Variants in KIAA1549L observed in about 807,000 individuals in gnomAD.
KIAA1549L encodes the protein KIAA1549 like, also known as UPF0606 protein KIAA1549L.
In KIAA1549L, 88 loss-of-function variants were observed where a neutral mutation model predicts 160.7. The ratio of observed to expected loss-of-function variants is 0.55; its 90% CI spans 0.46 to 0.65. KIAA1549L has a LOEUF of 0.65. Among genes scored for constraint, KIAA1549L ranks in the 30% least tolerant of loss-of-function variants. The pLI is 0.00. For synonymous variants in KIAA1549L, 950 were observed against 976.7 expected (o/e 0.97, Z 0.51); for missense variants, 2,258 against 2,437.5 (o/e 0.93, Z 1.55).
Position 33,551,088 on chromosome 11 carries a change from A to G in KIAA1549L, c.3550A>G (p.Thr1184Ala). 5.0e-6 allele frequency: 8 copies of G among 1,613,994 alleles called. No individual in the cohort carries two copies. The highest frequency in any genetic ancestry group is 6.8e-6 in the Non-Finnish European group (8 of 1,179,884). The change falls in exon 5 of 21, where the codon ACC becomes GCC. Residue 1184 changes from threonine to alanine, a missense_variant. Thr to Ala is a moderately conservative substitution (Grantham distance 58). Transcript: ENST00000658780. ...TAATGTCACAGTTGGTTATTATGCTACCAAAGGGAAGTTGGTGTATTTGCC... is the reference window on the plus strand; with the variant it reads ...TAATGTCACAGTTGGTTATTATGCTGCCAAAGGGAAGTTGGTGTATTTGCC... ...SHNVTVGYYA[T>A]KGKLVYLPAV... is the part of the protein sequence containing the mutation.
intron 13 of KIAA1549L, among the ~76,000 whole-genome samples, chr11:33,601,858 G>C (rs997296186): frequency 1.3e-5 from 2 of 152,164 alleles, no homozygotes; most frequent in Admixed American, 6.5e-5. Context: ...GGCCACATCA[G>C]TTACCATCGC....
At chr11:33,381,032 G>T (rs1341576295) in intron 1 of KIAA1549L, among the ~76,000 whole-genome samples, 1 of 151,864 alleles carries the variant, frequency 6.6e-6, no homozygotes, top group Non-Finnish European at 1.5e-5. Flanking sequence ...GCTTGTTTTT[G>T]TTCGTTACCG....
intron 1 of KIAA1549L, among the ~76,000 whole-genome samples, chr11:33,487,142 A>G (rs2224528): frequency 0.28 from 42,291 of 152,138 alleles, 6,269 homozygotes; most frequent in African/African-American, 0.37. Flanking sequence ...TGGAAAGTCT[A>G]GTTGTTTTGT....
intron 1 of KIAA1549L, among the ~76,000 whole-genome samples, chr11:33,472,659 C>G (rs1852204658): frequency 6.6e-6 from 1 of 152,114 alleles, no homozygotes; most frequent in African/African-American, 2.4e-5. Flanking sequence ...GGATCTCAGA[C>G]TGGAGAAGTC....
chr11:33,506,001 CATT>C (rs1402963252), intron 1 of KIAA1549L, among the ~76,000 whole-genome samples: 1 of 152,148 alleles, frequency 6.6e-6, no homozygotes, highest in Non-Finnish European at 1.5e-5. Flanking sequence ...TGTGAGTTGT[CATT>C]ATCCCCATTT....
chr11:33,512,064 A>T (rs1480935704), intron 1 of KIAA1549L, among the ~76,000 whole-genome samples: 1 of 152,236 alleles, frequency 6.6e-6, no homozygotes, highest in South Asian at 2.1e-4. Context: ...AATCTTGATA[A>T]GGTACTACTG....
In KIAA1549L at chr11:33,376,278, C is replaced by T. The variant is rs910597320; in HGVS notation, c.-374C>T. On this transcript the variant is annotated 5_prime_UTR_variant, in exon 1 of 21. Coordinates refer to ENST00000658780, the MANE Select transcript of KIAA1549L (RefSeq NM_012194.3). This position sits in a 1 kb window ranked among gnomAD's most constrained non-coding sequence, Gnocchi z 5.8. ...GGAGGGACCCGAGCGCGCCCCGCGG[C>T]CGCCACCCCCGTTCCCGGCAGCCTC... Among the ~76,000 whole-genome samples, 3 of 148,596 alleles carry T rather than the reference C, an allele frequency of 2.0e-5. 1 individual carries two copies. The highest frequency in any genetic ancestry group is 2.0e-4 in the Admixed American group (3 of 14,960).
At chr11:33,534,096 C>T (rs1293891500) in intron 1 of KIAA1549L, among the ~76,000 whole-genome samples, 1 of 151,980 alleles carries the variant, frequency 6.6e-6, no homozygotes, top group African/African-American at 2.4e-5. Context: ...CTTTGCTTTC[C>T]ACAATTTTTT....
Position 33,543,287 on chromosome 11 carries a change from C to G in KIAA1549L, c.1724C>G (p.Ala575Gly), listed in dbSNP as rs1008700355. The G allele has an allele frequency of 1.9e-6, 3 of 1,613,924 alleles. No individual in the cohort carries two copies. The African/African-American group carries it at 4.0e-5, about 22-fold the overall frequency. Reference sequence around the variant, plus strand: ...GCCATTTTAGGGAAGAATGAAGAGGCAAATGTGACGATTCCTCTCCAGGCC... The same window carrying G: ...GCCATTTTAGGGAAGAATGAAGAGGGAAATGTGACGATTCCTCTCCAGGCC... ...VTAILGKNEEANVTIPLQAFP... is the reference protein window; with the variant it reads ...VTAILGKNEEGNVTIPLQAFP... Residue 575 changes from alanine to glycine, a missense_variant, in exon 2 of 21, where the codon GCA becomes GGA. Around this residue, in one of 6 missense-constraint regions of KIAA1549L, gnomAD observed 540 missense variants for 465.7 expected, o/e 1.16. Transcript: ENST00000658780.
intron 1 of KIAA1549L, among the ~76,000 whole-genome samples, chr11:33,495,122 T>A (rs1383772848): frequency 6.6e-6 from 1 of 151,972 alleles, no homozygotes; most frequent in Non-Finnish European, 1.5e-5. Flanking sequence ...TGTATTTTTT[T>A]ATTTTTATTT....
intron 12 of KIAA1549L, 52 bp from the exon 13 acceptor site, chr11:33,598,768 G>T (rs1310116604): frequency 6.2e-7 from 1 of 1,607,346 alleles, no homozygotes; most frequent in Admixed American, 1.7e-5. Context: ...CTTGAGAGGC[G>T]GCTGCTCTAG....
At chr11:33,528,832 T>C (rs1246482677) in intron 1 of KIAA1549L, among the ~76,000 whole-genome samples, 1 of 151,928 alleles carries the variant, frequency 6.6e-6, no homozygotes, top group Non-Finnish European at 1.5e-5. Flanking sequence ...GGGGGAAAGG[T>C]GTGAGGGTGG....
intron 5 of KIAA1549L, 70 bp from the exon 6 acceptor site, chr11:33,552,038 G>T: frequency 6.4e-7 from 1 of 1,552,278 alleles, no homozygotes; most frequent in South Asian, 1.2e-5. Flanking sequence ...TTTATATTAT[G>T]ACCACTGTTA....
chr11:33,521,717 C>A (rs1316181422), intron 1 of KIAA1549L, among the ~76,000 whole-genome samples: 1 of 152,204 alleles, frequency 6.6e-6, no homozygotes, highest in East Asian at 1.9e-4. Context: ...CAAGAAAGTT[C>A]TCTGGACTGG....
intron 1 of KIAA1549L, among the ~76,000 whole-genome samples, chr11:33,479,109 T>C (rs925667994): frequency 3.9e-5 from 6 of 152,106 alleles, no homozygotes; most frequent in Non-Finnish European, 7.4e-5. Flanking sequence ...CCAGTGCTCA[T>C]TATGTTTTTA....
intron 1 of KIAA1549L, among the ~76,000 whole-genome samples, chr11:33,470,700 G>T (rs544401031): frequency 1.3e-5 from 2 of 152,056 alleles, no homozygotes; most frequent in African/African-American, 4.8e-5. Context: ...CAATCCACCC[G>T]CCTTGGCCTC....
At chr11:33,590,627 T>C (rs1321045765) in intron 11 of KIAA1549L, among the ~76,000 whole-genome samples, 1 of 152,150 alleles carries the variant, frequency 6.6e-6, no homozygotes, top group East Asian at 1.9e-4. Flanking sequence ...CTCCATAAAT[T>C]CCATTTCATT....
At chr11:33,444,822 C>T (rs570561677) in intron 1 of KIAA1549L, among the ~76,000 whole-genome samples, 2 of 152,342 alleles carry the variant, frequency 1.3e-5, no homozygotes, top group Non-Finnish European at 2.9e-5. Context: ...GGGTGGCCCC[C>T]GGTTCAGGTG....
intron 1 of KIAA1549L, among the ~76,000 whole-genome samples, chr11:33,530,843 T>C (rs1217274321): frequency 1.3e-5 from 2 of 152,174 alleles, no homozygotes; most frequent in African/African-American, 4.8e-5. Flanking sequence ...TGCCACATCT[T>C]AGTGGAGATA....
Sources: gnomAD v4.1 joint callset for allele counts (sites outside exome capture counted in the v4.1 genomes callset) on GRCh38, gnomAD v4.1.1 for gene constraint, gnomAD v4.1.1 regional missense constraint, Gnocchi (gnomAD v3.1) non-coding constraint, MANE v1.5 for transcripts, NCBI Gene and HGNC (gene_info 2026-07-23, HGNC 2026-07-21) for gene names.